The following MOK variants were observed in gnomAD, a reference collection of about 807,000 sequenced individuals.
The protein encoded by MOK is MAPK/MAK/MRK overlapping kinase.
A neutral mutation model predicts 54.2 loss-of-function variants in MOK; 59 were observed. The observed-to-expected ratio is 1.09, with a 90% CI of 0.88 to 1.35. MOK has a LOEUF of 1.35. Ranked by LOEUF, MOK falls within the 40% of genes most tolerant of loss-of-function variation. The pLI, the probability that MOK is intolerant of heterozygous loss-of-function variation, is 0.00. For synonymous variants in MOK, 210 were observed against 202.7 expected (o/e 1.04, Z -0.31); for missense variants, 517 against 526.2 (o/e 0.98, Z 0.17).
At position 102,229,637 on chromosome 14, in the gene MOK, C is replaced by T; in HGVS notation, c.1002G>A (p.Glu334=). Residue 334 remains glutamate, a synonymous_variant, in exon 11 of 12, where the codon GAG becomes GAA. Transcript: ENST00000361847. ...GTCCTCGTCTCTTGGGACGGTCCTC[C>T]TCTTGCTTTAGGGACTGTTTCTTGA... The part of the protein sequence containing the change: ...GRKQKQSLKQ[E]EDRPKRRGPA... 6.2e-7 allele frequency: 1 copy of T among 1,612,370 alleles called. No individual in the cohort carries two copies. Among genetic ancestry groups the T allele is most frequent in the African/African-American group, 1.3e-5 (1 of 75,008 alleles).
chr14:102,243,353 C>T (rs2065858633), intron 7 of MOK, among the ~76,000 whole-genome samples: 1 of 152,162 alleles, frequency 6.6e-6, no homozygotes, highest in South Asian at 2.1e-4. Context: ...TTTTTCATTA[C>T]ACAGAGCCAA....
chr14:102,225,155 G>T, downstream of MOK: 1 of 214,032 alleles, frequency 4.7e-6, no homozygotes, highest in South Asian at 6.6e-5. Flanking sequence ...CAACCTCCTG[G>T]GTTCAAGTGA....
At chr14:102,284,445 C>G (rs1488522118) in intron 1 of MOK, among the ~76,000 whole-genome samples, 1 of 151,968 alleles carries the variant, frequency 6.6e-6, no homozygotes, top group African/African-American at 2.4e-5. Flanking sequence ...ACGCTAATTA[C>G]TACTGACTGC....
rs2064660331 is a variant in MOK, at chr14:102,231,099, G to C, written c.981+608C>G. On this transcript the variant is annotated intron_variant, in intron 10 of 11. Coordinates refer to ENST00000361847, the MANE Select transcript of MOK (RefSeq NM_014226.3). The surrounding 1 kb of genome is among the most constrained non-coding windows in gnomAD (Gnocchi z 4.4). ...GTCACACTGTTGGGGTGCCAGCCCA[G>C]AACTGGGAGACTGGTGTGACCCTGC... The C allele has an allele frequency of 1.3e-5, 2 of 152,374 alleles. No homozygotes were observed. The highest frequency in any genetic ancestry group is 2.4e-5 in the African/African-American group (1 of 41,454). 9.4% of individuals were successfully genotyped at this position (152,374 alleles called of 1,614,324 possible).
intron 1 of MOK, among the ~76,000 whole-genome samples, chr14:102,287,022 G>T (rs1441049826): frequency 6.6e-6 from 1 of 152,084 alleles, no homozygotes. Flanking sequence ...CATTTTCTAA[G>T]TTAGATATTT....
intron 2 of MOK, among the ~76,000 whole-genome samples, chr14:102,267,778 A>G (rs1489282319): frequency 6.6e-6 from 1 of 152,028 alleles, no homozygotes. Context: ...AGCAACTCGC[A>G]CCCCAGGTCC....
In MOK at chr14:102,240,756, G is replaced by C. The variant is rs1350691581; in HGVS notation, c.591-6967C>G. The C allele has an allele frequency of 6.6e-6, 1 of 152,228 alleles. No individual in the cohort carries two copies. Among genetic ancestry groups the C allele is most frequent in the Non-Finnish European group, 1.5e-5 (1 of 68,086 alleles). 9.4% of individuals were successfully genotyped at this position (152,228 alleles called of 1,614,324 possible). On this transcript the variant is annotated intron_variant, in intron 7 of 11. Coordinates refer to ENST00000361847, the MANE Select transcript of MOK (RefSeq NM_014226.3). The surrounding 1 kb of genome is among the most constrained non-coding windows in gnomAD (Gnocchi z 5.4). The stretch of plus-strand genomic sequence containing the variant: ...TTCCCTTGGTGGCAAGTCAACTGCG[G>C]GGATGCCTGCTTTGGCTGCTCACCC...
At chr14:102,283,654 C>T (rs561032787) in intron 1 of MOK, 62 bp from the exon 2 acceptor site, 2 of 1,005,804 alleles carry the variant, frequency 2.0e-6, no homozygotes, top group Non-Finnish European at 3.0e-6. Flanking sequence ...TATTCACTTC[C>T]AGACAGCAAA....
chr14:102,286,221 C>A (rs1416989608), intron 1 of MOK, among the ~76,000 whole-genome samples: 1 of 148,446 alleles, frequency 6.7e-6, no homozygotes, highest in Non-Finnish European at 1.5e-5. Context: ...ATGGCGTGAA[C>A]CCAGGAGGCG....
rs574213357 is a variant in MOK at position 102,231,621 on chromosome 14, C to T, written c.981+86G>A. The T allele has an allele frequency of 4.5e-5, 52 of 1,157,976 alleles. No individual in the cohort carries two copies. Among genetic ancestry groups the T allele is most frequent in the East Asian group, 2.1e-4 (9 of 42,056 alleles). 71.7% of individuals were successfully genotyped at this position (1,157,976 alleles called of 1,614,324 possible). A position where few individuals can be genotyped will look rare whatever the true frequency, so the allele number is the denominator to read the frequency against. On this transcript the variant is annotated intron_variant, in intron 10 of 11. Coordinates refer to ENST00000361847, the MANE Select transcript of MOK (RefSeq NM_014226.3). The surrounding 1 kb of genome is among the most constrained non-coding windows in gnomAD (Gnocchi z 4.4). ...GGTCTGCCACAGCCTCCACAGGTGG[C>T]GTCCTCCTGAGAGAGACACAGGCCA... is the stretch of plus-strand genomic sequence containing the variant.
chr14:102,246,553 C>T (rs1293673039), intron 7 of MOK, among the ~76,000 whole-genome samples: 1 of 152,054 alleles, frequency 6.6e-6, no homozygotes, highest in Non-Finnish European at 1.5e-5. Context: ...CTCTGCGTAT[C>T]CCTCCTCTCC....
chr14:102,222,911 C>A, downstream of MOK: 1 of 1,613,636 alleles, frequency 6.2e-7, no homozygotes, highest in Non-Finnish European at 8.5e-7. This position sits in a 1 kb window ranked among gnomAD's most constrained non-coding sequence, Gnocchi z 4.4. Flanking sequence ...GCACAGTCTC[C>A]CGGGACTTGG....
intron 7 of MOK, 54 bp downstream of exon 7, chr14:102,250,758 G>A: frequency 6.5e-7 from 1 of 1,550,100 alleles, no homozygotes; most frequent in Non-Finnish European, 8.8e-7. Context: ...GCACGAGCCT[G>A]GCTGCTGCAC....
chr14:102,285,323 ACTT>A (rs1312648035), intron 1 of MOK, among the ~76,000 whole-genome samples: 6 of 152,028 alleles, frequency 3.9e-5, no homozygotes, highest in African/African-American at 1.4e-4. Flanking sequence ...TCAAGCCTAA[ACTT>A]CTACCTCAGC....
rs369708607 is a variant in MOK at position 102,275,392 on chromosome 14, G to A, written c.122+8086C>T. On this transcript the variant is annotated intron_variant, in intron 2 of 11. Coordinates refer to ENST00000361847, the MANE Select transcript of MOK (RefSeq NM_014226.3). ...ATCCTGGCTAACACGGTGAAACCCCGTCTCTATTAAAAATACAAAAAATTA... is the reference window on the plus strand; with the variant it reads ...ATCCTGGCTAACACGGTGAAACCCCATCTCTATTAAAAATACAAAAAATTA... 4.5e-4 allele frequency among the ~76,000 whole-genome samples: 68 copies of A among 152,092 alleles called. No individual in the cohort carries two copies. In the South Asian group the frequency reaches 0.012, roughly 27 times the overall value.
Position 102,241,787 on chromosome 14 carries a change from C to CT in MOK, c.591-7999dup, listed in dbSNP as rs539542753. ...GCAATGAATTTCTGAATTGCAATTCCTGCCTCCACTGTGAGACAAACCCCA... is the reference window on the plus strand; with the variant it reads ...GCAATGAATTTCTGAATTGCAATTCCTTGCCTCCACTGTGAGACAAACCCCA... On this transcript the variant is annotated intron_variant, in intron 7 of 11. Coordinates refer to ENST00000361847, the MANE Select transcript of MOK (RefSeq NM_014226.3). Among the ~76,000 whole-genome samples, 703 of 152,320 alleles carry CT rather than the reference C, an allele frequency of 4.6e-3. 6 individuals carry two copies. Among genetic ancestry groups the CT allele is most frequent in the African/African-American group, 0.016 (652 of 41,560 alleles).
chr14:102,225,956 C>T (rs543434735), downstream of MOK: 35 of 273,846 alleles, frequency 1.3e-4, no homozygotes, highest in South Asian at 1.6e-3. Context: ...GGAGAATGCA[C>T]GGGGATTAGG....
At chr14:102,293,705 A>ACC (rs2071044463) in intron 1 of MOK, among the ~76,000 whole-genome samples, 1 of 119,968 alleles carries the variant, frequency 8.3e-6, no homozygotes, top group Admixed American at 8.1e-5. Flanking sequence ...CCATCACAAA[A>ACC]AAAAAAAAAA....
chr14:102,272,900 A>C (rs898708524), intron 2 of MOK, among the ~76,000 whole-genome samples: 15 of 152,102 alleles, frequency 9.9e-5, no homozygotes, highest in Non-Finnish European at 2.1e-4. Flanking sequence ...GGCCGGGCAC[A>C]GTGGCTCACG....
Sources: allele counts gnomAD v4.1 joint callset (sites outside exome capture counted in the v4.1 genomes callset), GRCh38; gene constraint gnomAD v4.1.1; non-coding constraint Gnocchi (gnomAD v3.1); transcripts MANE v1.5; gene names NCBI Gene and HGNC (gene_info 2026-07-23, HGNC 2026-07-21).